Variants in CDH13 observed in about 807,000 individuals in gnomAD.
The protein encoded by CDH13 is cadherin-13.
Under a neutral mutation model 63.8 loss-of-function variants are expected in CDH13, and 24 were observed. The observed-to-expected ratio is 0.38, with a 90% CI of 0.27 to 0.53. The LOEUF is 0.53. Ranked by LOEUF, CDH13 falls within the 20% of genes least tolerant of loss-of-function variation. The pLI is 0.85. For synonymous variants in CDH13, 503 were observed against 355.3 expected, an observed-to-expected ratio of 1.42 and a Z score of -4.67; for missense variants, 1,049 against 903.1, an observed-to-expected ratio of 1.16 and a Z score of -2.07.
intron 5 of CDH13, among the ~76,000 whole-genome samples, chr16:83,291,020 G>A (rs563599423): frequency 1.3e-5 from 2 of 152,176 alleles, no homozygotes; most frequent in Non-Finnish European, 2.9e-5. Flanking sequence ...AGCATGTCAC[G>A]CAGACCTTTG....
At chr16:82,748,408 G>C (rs2034273848) in intron 1 of CDH13, among the ~76,000 whole-genome samples, 1 of 152,212 alleles carries the variant, frequency 6.6e-6, no homozygotes, top group Non-Finnish European at 1.5e-5. Context: ...TCGTGTGTGT[G>C]ATTTGACAGT....
chr16:83,243,946 C>G (rs1388757708), intron 5 of CDH13, among the ~76,000 whole-genome samples: 1 of 152,096 alleles, frequency 6.6e-6, no homozygotes, highest in Non-Finnish European at 1.5e-5. Context: ...ACTATGAAGC[C>G]CTTTCCCATA....
At chr16:83,787,000 A>C (rs1333177427) in intron 13 of CDH13, among the ~76,000 whole-genome samples, 1 of 152,188 alleles carries the variant, frequency 6.6e-6, no homozygotes, top group Non-Finnish European at 1.5e-5. Context: ...AATAGCTACC[A>C]TGAATTAGCT....
intron 6 of CDH13, among the ~76,000 whole-genome samples, chr16:83,408,907 G>C (rs2092086687): frequency 6.6e-6 from 1 of 152,194 alleles, no homozygotes; most frequent in African/African-American, 2.4e-5. Flanking sequence ...CTAAGCCCAA[G>C]GCTGGGAGCA....
rs151028218 is a variant in CDH13, at chr16:82,675,022, C to T, written c.45+47885C>T. ...ATGGCATTTAGAATACCCCTGGATA[C>T]CTTTATTTCTATTCTAATATTAATA... On this transcript the variant is annotated intron_variant, in intron 1 of 13. Transcript: ENST00000567109. Among the ~76,000 whole-genome samples, 8 of 152,222 alleles carry T rather than the reference C, an allele frequency of 5.3e-5. No homozygotes were observed. The East Asian group carries it at 1.5e-3, about 29-fold the overall frequency.
chr16:83,792,133 C>A (rs1054567196), intron 13 of CDH13, among the ~76,000 whole-genome samples: 1 of 152,200 alleles, frequency 6.6e-6, no homozygotes, highest in Admixed American at 6.5e-5. Flanking sequence ...ACAGACACGG[C>A]CTGCAAAGGC....
chr16:83,423,986 C>G (rs1489313), intron 6 of CDH13, among the ~76,000 whole-genome samples: 1 of 151,984 alleles, frequency 6.6e-6, no homozygotes, highest in East Asian at 1.9e-4. Flanking sequence ...ACCTGGGAAA[C>G]CAGTCTAGAA....
intron 3 of CDH13, among the ~76,000 whole-genome samples, chr16:83,050,861 G>C (rs1014762919): frequency 6.6e-6 from 1 of 151,862 alleles, no homozygotes; most frequent in Non-Finnish European, 1.5e-5. Flanking sequence ...TGCCATCCTC[G>C]TCTTCCCATG....
intron 5 of CDH13, among the ~76,000 whole-genome samples, chr16:83,251,560 C>G (rs1417698257): frequency 2.0e-5 from 3 of 152,182 alleles, no homozygotes; most frequent in Non-Finnish European, 2.9e-5. Context: ...TGGGTCCAAT[C>G]TGGAGGTGAC....
chr16:83,079,927 T>C (rs2033118646), intron 3 of CDH13, among the ~76,000 whole-genome samples: 1 of 152,228 alleles, frequency 6.6e-6, no homozygotes, highest in Non-Finnish European at 1.5e-5. Context: ...TGATAGACAA[T>C]GTCAACTGGA....
At chr16:83,307,058 A>G (rs1042374281) in intron 5 of CDH13, among the ~76,000 whole-genome samples, 1 of 152,244 alleles carries the variant, frequency 6.6e-6, no homozygotes, top group Non-Finnish European at 1.5e-5. Flanking sequence ...TCAGCTCCAC[A>G]TATAAGCTAC....
At chr16:83,180,697 C>T (rs756601441) in intron 4 of CDH13, among the ~76,000 whole-genome samples, 4 of 152,150 alleles carry the variant, frequency 2.6e-5, no homozygotes, top group African/African-American at 4.8e-5. Context: ...TTTTCACAGA[C>T]GTAATTATTA....
At position 83,216,426 on chromosome 16, in the gene CDH13, ATAT is replaced by A. The variant is rs1567514016; in HGVS notation, c.484-918_484-916del. ...TATATATATATATATATATATATATATATATATATATATATATACACAACCCTA... is the reference window on the plus strand; with the variant it reads ...TATATATATATATATATATATATATAATATATATATATATACACAACCCTA... On this transcript the variant is annotated intron_variant, in intron 4 of 13. Transcript: ENST00000567109. Among the ~76,000 whole-genome samples the A allele has an allele frequency of 2.8e-4, 30 of 105,524 alleles. 2 individuals carry two copies. Among genetic ancestry groups the A allele is most frequent in the Non-Finnish European group, 4.7e-4 (24 of 51,530 alleles). The allele number at this position is 105,524 out of a possible 152,430, so 69.2% of individuals were successfully genotyped here.
intron 6 of CDH13, among the ~76,000 whole-genome samples, chr16:83,410,155 C>T (rs913496747): frequency 1.3e-5 from 2 of 152,126 alleles, no homozygotes; most frequent in African/African-American, 2.4e-5. Flanking sequence ...ATGGTTTTAT[C>T]AGCTGAAGTG....
intron 6 of CDH13, among the ~76,000 whole-genome samples, chr16:83,447,591 A>G (rs1478268149): frequency 6.6e-6 from 1 of 152,066 alleles, no homozygotes; most frequent in Non-Finnish European, 1.5e-5. Flanking sequence ...TAGCAAGATG[A>G]GTTTCACACC....
At chr16:83,046,903 A>T (rs1917838795) in intron 3 of CDH13, among the ~76,000 whole-genome samples, 1 of 152,160 alleles carries the variant, frequency 6.6e-6, no homozygotes, top group Admixed American at 6.5e-5. Context: ...AAGACTGGAC[A>T]TGAGATCCAA....
intron 10 of CDH13, among the ~76,000 whole-genome samples, chr16:83,718,453 G>A (rs577958952): frequency 6.0e-4 from 92 of 152,278 alleles, no homozygotes; most frequent in African/African-American, 2.0e-3. Flanking sequence ...TGAAGGAATC[G>A]CTCTCAAGGG....
At chr16:82,924,793 G>A (rs1436789468) in intron 2 of CDH13, among the ~76,000 whole-genome samples, 1 of 152,100 alleles carries the variant, frequency 6.6e-6, no homozygotes, top group African/African-American at 2.4e-5. Flanking sequence ...AAAGCTTTGA[G>A]CAATGGAACC....
In CDH13 at chr16:83,047,253, A is replaced by ATTTAT. The variant is rs1189750718; in HGVS notation, c.366+15038_366+15039insATTTT. Among the ~76,000 whole-genome samples, 121 of 152,042 alleles carry ATTTAT rather than the reference A, an allele frequency of 8.0e-4. 2 individuals are homozygous for ATTTAT. Among genetic ancestry groups the ATTTAT allele is most frequent in the Non-Finnish European group, 3.5e-4 (24 of 67,950 alleles). The stretch of plus-strand genomic sequence containing the variant: ...GGCCTGTGTATTTATTTATTTATTT[A>ATTTAT]TTTTTTTGGTAAAGGCCTCTGCTGT... On this transcript the variant is annotated intron_variant, in intron 3 of 13. Coordinates refer to ENST00000567109, the MANE Select transcript of CDH13 (RefSeq NM_001257.5). This position sits in a 1 kb window ranked among gnomAD's most constrained non-coding sequence, Gnocchi z 4.9.
Sources: allele counts gnomAD v4.1 joint callset (sites outside exome capture counted in the v4.1 genomes callset), GRCh38; gene constraint gnomAD v4.1.1; non-coding constraint Gnocchi (gnomAD v3.1); transcripts MANE v1.5; gene names NCBI Gene and HGNC (gene_info 2026-07-23, HGNC 2026-07-21).